The following DPYSL2 variants were observed in gnomAD, a reference collection of about 807,000 sequenced individuals.
DPYSL2 encodes the protein dihydropyrimidinase-related protein 2.
In DPYSL2, 13 loss-of-function variants were observed where a neutral mutation model predicts 69.9. That is an observed-to-expected ratio of 0.19 (90% CI 0.12 to 0.30). The LOEUF is 0.30. DPYSL2 is among the 10% of genes least tolerant of loss of function. The pLI, the probability that DPYSL2 is intolerant of heterozygous loss-of-function variation, is 1.00. For synonymous variants in DPYSL2, 326 were observed against 359.1 expected (o/e 0.91, Z 1.04); for missense variants, 587 against 918.9 (o/e 0.64, Z 4.67).
rs970107487 is a variant in DPYSL2, at chr8:26,647,584, G to A, written c.1426-46G>A. 9.7e-6 allele frequency: 15 copies of A among 1,546,252 alleles called. No individual in the cohort carries two copies. In the East Asian group the frequency reaches 1.8e-4, roughly 19 times the overall value. ...TTATTGAAAAGTAACTTTTTAACTCGTTTCTGCTGTGTGCCTCCTGTGCAC... is the reference window on the plus strand; with the variant it reads ...TTATTGAAAAGTAACTTTTTAACTCATTTCTGCTGTGTGCCTCCTGTGCAC... On this transcript the variant is annotated intron_variant, in intron 10 of 13. Coordinates refer to ENST00000521913, the MANE Select transcript of DPYSL2 (RefSeq NM_001197293.3). The surrounding 1 kb of genome is among the most constrained non-coding windows in gnomAD (Gnocchi z 5.1).
chr8:26,647,873 C>T lies in DPYSL2; in HGVS notation c.1596+73C>T. ...CAGAGACACAGACGGAGGGAGAGCC[C>T]CAGGGTTTCTAAAAAGAACTTGCTG... is the stretch of plus-strand genomic sequence containing the variant. On this transcript the variant is annotated intron_variant, in intron 11 of 13. Coordinates refer to ENST00000521913, the MANE Select transcript of DPYSL2 (RefSeq NM_001197293.3). This position sits in a 1 kb window ranked among gnomAD's most constrained non-coding sequence, Gnocchi z 5.1. 1 of 1,488,732 alleles carries T rather than the reference C, an allele frequency of 6.7e-7. No homozygotes were observed. 92.2% of individuals were successfully genotyped at this position (1,488,732 alleles called of 1,614,324 possible).
At chr8:26,545,692 G>A (rs971742594) in intron 1 of DPYSL2, among the ~76,000 whole-genome samples, 2 of 152,062 alleles carry the variant, frequency 1.3e-5, no homozygotes, top group Admixed American at 6.5e-5. Flanking sequence ...ACTTGAACCC[G>A]GGAGGCAGAG....
chr8:26,582,205 G>T lies in DPYSL2; in HGVS notation c.443+148G>T. ...TGTTTTAAACTGGTTTTGATTGGTG[G>T]TAATTAGTGAATTTGAAAACTCAAA... is the stretch of plus-strand genomic sequence containing the variant. On this transcript the variant is annotated intron_variant, in intron 2 of 13. Transcript: ENST00000521913. The surrounding 1 kb of genome is among the most constrained non-coding windows in gnomAD (Gnocchi z 4.1). 6.6e-6 allele frequency: 4 copies of T among 608,532 alleles called. No homozygotes were observed. The highest frequency in any genetic ancestry group is 1.1e-5 in the Non-Finnish European group (4 of 357,098). The allele number at this position is 608,532 out of a possible 1,614,324, so 37.7% of individuals were successfully genotyped here.
intron 1 of DPYSL2, among the ~76,000 whole-genome samples, chr8:26,551,057 C>T (rs1800867043): frequency 6.6e-6 from 1 of 152,224 alleles, no homozygotes; most frequent in African/African-American, 2.4e-5. Context: ...GACTCACACA[C>T]TAATCTCCCC....
intron 1 of DPYSL2, among the ~76,000 whole-genome samples, chr8:26,540,731 T>C (rs1489659373): frequency 1.3e-5 from 2 of 151,790 alleles, no homozygotes; most frequent in Non-Finnish European, 2.9e-5. Context: ...CATGGTGAAA[T>C]CCTTTCTCTA....
At chr8:26,625,962 G>A (rs327227) in intron 4 of DPYSL2, among the ~76,000 whole-genome samples, 147,476 of 152,308 alleles carry the variant, frequency 0.97, 71,477 homozygotes, top group Non-Finnish European at 0.99. Context: ...AAACTAAAAC[G>A]CTACACTCAC....
At chr8:26,554,064 A>C (rs1800907805) in intron 1 of DPYSL2, among the ~76,000 whole-genome samples, 1 of 151,652 alleles carries the variant, frequency 6.6e-6, no homozygotes, top group African/African-American at 2.4e-5. Context: ...TAATTTTTGT[A>C]TTTTTAGTAG....
chr8:26,577,051 G>A (rs914757921), intron 1 of DPYSL2: 2 of 397,948 alleles, frequency 5.0e-6, no homozygotes, highest in African/African-American at 2.2e-5. Flanking sequence ...AGTTCCTCGC[G>A]GCCGGAAGGC....
chr8:26,538,818 G>A (rs1003597962), intron 1 of DPYSL2, among the ~76,000 whole-genome samples: 1 of 152,182 alleles, frequency 6.6e-6, no homozygotes, highest in South Asian at 2.1e-4. Context: ...TGCAAAGAGG[G>A]ATTTTCTTGG....
chr8:26,542,428 T>A (rs974343500), intron 1 of DPYSL2, among the ~76,000 whole-genome samples: 5 of 151,044 alleles, frequency 3.3e-5, no homozygotes, highest in Admixed American at 6.6e-5. Context: ...TTAAAAAAAT[T>A]TTTTTTTTTT....
rs1585569039 is a variant in DPYSL2 at position 26,643,170 on chromosome 8, G to A, written c.1127-269G>A. On this transcript the variant is annotated intron_variant, in intron 8 of 13. Coordinates refer to ENST00000521913, the MANE Select transcript of DPYSL2 (RefSeq NM_001197293.3). This position sits in a 1 kb window ranked among gnomAD's most constrained non-coding sequence, Gnocchi z 6.5. The stretch of plus-strand genomic sequence containing the variant: ...AAAATCAGCAACGTAGGAGACAGAA[G>A]CCTTCAGGATGTCTGGGATCCTATA... 2.6e-6 allele frequency: 1 copy of A among 386,286 alleles called. No homozygotes were observed. Among genetic ancestry groups the A allele is most frequent in the East Asian group, 4.5e-5 (1 of 22,092 alleles). 23.9% of individuals were successfully genotyped at this position (386,286 alleles called of 1,614,324 possible).
In DPYSL2 at chr8:26,653,336, T is replaced by C; in HGVS notation, c.1881T>C (p.Ser627=). The change falls in exon 13 of 14, where the codon TCT becomes TCC. Residue 627 remains serine, a synonymous_variant. Transcript: ENST00000521913. This position sits in a 1 kb window ranked among gnomAD's most constrained non-coding sequence, Gnocchi z 5.7. ...TVTPASSAKT[S]PAKQQAPPVR... ...CTCCAGCCTCCTCGGCCAAGACGTC[T>C]CCTGCCAAGCAGCAGGCCCCACCTG... 6.2e-7 allele frequency: 1 copy of C among 1,614,132 alleles called. No individual in the cohort carries two copies. Among genetic ancestry groups the C allele is most frequent in the Non-Finnish European group, 8.5e-7 (1 of 1,180,014 alleles).
intron 1 of DPYSL2, among the ~76,000 whole-genome samples, chr8:26,523,411 A>G (rs1374063028): frequency 6.6e-6 from 1 of 152,158 alleles, no homozygotes; most frequent in Non-Finnish European, 1.5e-5. Context: ...GCAACCAATC[A>G]TCAGAATTAT....
chr8:26,625,069 T>C (rs1163581138), intron 4 of DPYSL2, among the ~76,000 whole-genome samples: 1 of 152,176 alleles, frequency 6.6e-6, no homozygotes, highest in Non-Finnish European at 1.5e-5. Context: ...CCATGTGCTG[T>C]GAGTGACATG....
intron 1 of DPYSL2, among the ~76,000 whole-genome samples, chr8:26,572,782 A>G (rs1801260735): frequency 6.6e-6 from 1 of 152,140 alleles, no homozygotes; most frequent in South Asian, 2.1e-4. Flanking sequence ...TACAGGCATG[A>G]GCTACTGCGC....
At chr8:26,557,463 G>A (rs1319531150) in intron 1 of DPYSL2, among the ~76,000 whole-genome samples, 2 of 151,940 alleles carry the variant, frequency 1.3e-5, no homozygotes, top group Non-Finnish European at 2.9e-5. Flanking sequence ...TGTGTCATAT[G>A]TCATCAGGGA....
intron 1 of DPYSL2, among the ~76,000 whole-genome samples, chr8:26,534,682 G>C (rs1379073839): frequency 1.3e-5 from 2 of 151,788 alleles, no homozygotes; most frequent in Non-Finnish European, 2.9e-5. Flanking sequence ...ACCCAGGCTG[G>C]AATGCAGTGG....
intron 1 of DPYSL2, among the ~76,000 whole-genome samples, chr8:26,531,603 A>C (rs1800512189): frequency 1.3e-5 from 2 of 152,192 alleles, no homozygotes; most frequent in African/African-American, 4.8e-5. Flanking sequence ...GCCACATAAG[A>C]CAAATAGACA....
At position 26,580,923 on chromosome 8, in the gene DPYSL2, C is replaced by G. The variant is rs1255771695; in HGVS notation, c.355-1046C>G. Among the ~76,000 whole-genome samples, 1 of 152,318 alleles carries G rather than the reference C, an allele frequency of 6.6e-6. No individual in the cohort carries two copies. Among genetic ancestry groups the G allele is most frequent in the East Asian group, 1.9e-4 (1 of 5,188 alleles). On this transcript the variant is annotated intron_variant, in intron 1 of 13. Transcript: ENST00000521913. The surrounding 1 kb of genome is among the most constrained non-coding windows in gnomAD (Gnocchi z 4.1). ...AACGATGAGTCATAATGTAGCATTT[C>G]TGTCACATTCTCAGACTTTATCTGC...
Sources: gnomAD v4.1 joint callset for allele counts (sites outside exome capture counted in the v4.1 genomes callset) on GRCh38, gnomAD v4.1.1 for gene constraint, Gnocchi (gnomAD v3.1) non-coding constraint, MANE v1.5 for transcripts, NCBI Gene and HGNC (gene_info 2026-07-23, HGNC 2026-07-21) for gene names.